The following ITSN1 variants were observed in gnomAD, a reference collection of about 807,000 sequenced individuals.
ITSN1 encodes the protein intersectin 1, also known as intersectin-1.
In ITSN1, 58 loss-of-function variants were observed where a neutral mutation model predicts 239.8. The ratio of observed to expected loss-of-function variants is 0.24; its 90% CI spans 0.20 to 0.30. ITSN1 has a LOEUF of 0.30. Ranked by LOEUF, ITSN1 falls within the 10% of genes least tolerant of loss-of-function variation. ITSN1 has a pLI of 1.00. For missense variants in ITSN1, 1,558 were observed against 2,103.3 expected, an observed-to-expected ratio of 0.74 and a Z score of 5.07; for synonymous variants, 780 against 770.8, an observed-to-expected ratio of 1.01 and a Z score of -0.20.
chr21:33,844,800 C>G (rs1055052039), intron 29 of ITSN1, among the ~76,000 whole-genome samples: 1 of 152,114 alleles, frequency 6.6e-6, no homozygotes, highest in African/African-American at 2.4e-5. Flanking sequence ...GGCCCCGTGA[C>G]AAGACCCCAC....
intron 29 of ITSN1, among the ~76,000 whole-genome samples, chr21:33,842,296 G>T (rs78562217): frequency 0.018 from 2,715 of 152,216 alleles, 83 homozygotes; most frequent in African/African-American, 0.062. Flanking sequence ...GGGCTCCATA[G>T]CCTCTCAGGA....
chr21:33,806,420 C>A (rs1429284748), intron 20 of ITSN1, among the ~76,000 whole-genome samples: 1 of 152,194 alleles, frequency 6.6e-6, no homozygotes, highest in Non-Finnish European at 1.5e-5. Flanking sequence ...TTCTGCTTCC[C>A]CCCTTTGTGA....
At chr21:33,710,178 A>G (rs567385142) in intron 1 of ITSN1, among the ~76,000 whole-genome samples, 1 of 149,782 alleles carries the variant, frequency 6.7e-6, no homozygotes, top group African/African-American at 2.5e-5. Flanking sequence ...TCCCGGGTTC[A>G]CGCCATTCTC....
chr21:33,860,934 AG>A (rs1225971727), intron 31 of ITSN1, among the ~76,000 whole-genome samples: 1 of 149,958 alleles, frequency 6.7e-6, no homozygotes, highest in Non-Finnish European at 1.5e-5. Context: ...GCCGTCCATC[AG>A]GGGGCTGATG....
At chr21:33,765,127 A>G (rs1388172259) in intron 9 of ITSN1, among the ~76,000 whole-genome samples, 1 of 152,246 alleles carries the variant, frequency 6.6e-6, no homozygotes, top group Admixed American at 6.5e-5. Context: ...AGAATTCAGT[A>G]TGATAAGGAT....
At chr21:33,697,752 G>A (rs1381517789) in intron 1 of ITSN1, among the ~76,000 whole-genome samples, 1 of 151,950 alleles carries the variant, frequency 6.6e-6, no homozygotes, top group East Asian at 1.9e-4. Context: ...TAGCTTTCAG[G>A]AACTTGATAT....
intron 18 of ITSN1, among the ~76,000 whole-genome samples, chr21:33,798,540 G>C (rs1326062872): frequency 6.6e-6 from 1 of 152,150 alleles, no homozygotes; most frequent in Non-Finnish European, 1.5e-5. Flanking sequence ...TAAGATTCTT[G>C]TGTGGTTGTG....
chr21:33,703,014 T>C (rs1002461661), intron 1 of ITSN1, among the ~76,000 whole-genome samples: 2 of 151,834 alleles, frequency 1.3e-5, no homozygotes, highest in Non-Finnish European at 2.9e-5. Context: ...GAGATGGTGG[T>C]TGCAGTGATT....
chr21:33,779,625 TGA>T (rs1244481013), intron 14 of ITSN1, among the ~76,000 whole-genome samples: 2 of 152,232 alleles, frequency 1.3e-5, no homozygotes, highest in African/African-American at 4.8e-5. Flanking sequence ...TATTAGCTAC[TGA>T]GAGTGGAACA....
At chr21:33,777,674 G>C (rs2069750208) in intron 14 of ITSN1, among the ~76,000 whole-genome samples, 1 of 152,064 alleles carries the variant, frequency 6.6e-6, no homozygotes, top group African/African-American at 2.4e-5. Context: ...AGTATTTTGT[G>C]GCTTTTGATG....
rs1343692209 is a variant in ITSN1, at chr21:33,898,657, C to G, written c.*10357C>G. On this transcript the variant is annotated 3_prime_UTR_variant, in exon 40 of 40. Coordinates refer to ENST00000381318, the MANE Select transcript of ITSN1 (RefSeq NM_003024.3). ...ACAAAAAGAGCTGGTTTCTGGTGATCTGAATGCATTGTGTTTGGGGGTGAC... is the reference window on the plus strand; with the variant it reads ...ACAAAAAGAGCTGGTTTCTGGTGATGTGAATGCATTGTGTTTGGGGGTGAC... 1 of 152,238 alleles carries G rather than the reference C, an allele frequency of 6.6e-6. No individual in the cohort carries two copies. The highest frequency in any genetic ancestry group is 1.9e-4 in the East Asian group (1 of 5,200). 9.4% of individuals were successfully genotyped at this position (152,238 alleles called of 1,614,324 possible).
chr21:33,873,859 G>A (rs1030392634), intron 33 of ITSN1, among the ~76,000 whole-genome samples: 2 of 148,150 alleles, frequency 1.3e-5, no homozygotes, highest in East Asian at 2.0e-4. Flanking sequence ...GTGACAGAAC[G>A]AGACAAAAAG....
chr21:33,663,716 C>T (rs1422583995), intron 1 of ITSN1, among the ~76,000 whole-genome samples: 1 of 152,202 alleles, frequency 6.6e-6, no homozygotes, highest in African/African-American at 2.4e-5. Context: ...AATTCTCCTG[C>T]CTCAGCCTCC....
chr21:33,797,582 C>T lies in ITSN1; in HGVS notation c.2156C>T (p.Ala719Val). 1 of 1,614,028 alleles carries T rather than the reference C, an allele frequency of 6.2e-7. No homozygotes were observed. Among genetic ancestry groups the T allele is most frequent in the Non-Finnish European group, 8.5e-7 (1 of 1,179,912 alleles). The part of the protein sequence containing the change: ...FHQHQEPAKP[A>V]VQAPWSTAEK... ...CAACACCAAGAACCAGCTAAGCCAG[C>T]TGTCCAGGCACCCTGGTCCACTGCA... Residue 719 changes from alanine to valine, a missense_variant, in exon 18 of 40, where the codon GCT becomes GTT. Physicochemically the swap from Ala to Val is moderately conservative, Grantham distance 64. Transcript: ENST00000381318. This position sits in a 1 kb window ranked among gnomAD's most constrained non-coding sequence, Gnocchi z 4.9.
intron 20 of ITSN1, among the ~76,000 whole-genome samples, chr21:33,806,690 A>G (rs1228816747): frequency 6.6e-6 from 1 of 152,250 alleles, no homozygotes; most frequent in African/African-American, 2.4e-5. Context: ...CGCTTAAATG[A>G]TGTTTCACTA....
chr21:33,817,323 G>C (rs544535453), intron 22 of ITSN1: 1 of 1,304,300 alleles, frequency 7.7e-7, no homozygotes, highest in Non-Finnish European at 1.0e-6. Flanking sequence ...GTTCCACCTC[G>C]AGGCTTTTGC....
intron 28 of ITSN1, among the ~76,000 whole-genome samples, chr21:33,835,220 G>A (rs779971465): frequency 4.6e-5 from 7 of 152,260 alleles, no homozygotes; most frequent in Non-Finnish European, 7.3e-5. Flanking sequence ...GGCAAACTTT[G>A]TGATGAGCCG....
At chr21:33,699,695 G>A (rs1467868308) in intron 1 of ITSN1, among the ~76,000 whole-genome samples, 3 of 152,114 alleles carry the variant, frequency 2.0e-5, no homozygotes, top group African/African-American at 7.2e-5. Context: ...TTCCAGCCTG[G>A]GTGACAGAGC....
chr21:33,692,793 C>T (rs368997269), intron 1 of ITSN1, among the ~76,000 whole-genome samples: 4 of 149,872 alleles, frequency 2.7e-5, no homozygotes, highest in South Asian at 2.1e-4. Context: ...TTTTTCGAGA[C>T]GGAGTTTTGC....
Sources: allele counts gnomAD v4.1 joint callset (sites outside exome capture counted in the v4.1 genomes callset), GRCh38; gene constraint gnomAD v4.1.1; non-coding constraint Gnocchi (gnomAD v3.1); transcripts MANE v1.5; gene names NCBI Gene and HGNC (gene_info 2026-07-23, HGNC 2026-07-21).